Variants in LPAR3 observed in about 807,000 individuals in gnomAD.
The protein encoded by LPAR3 is lysophosphatidic acid receptor 3.
Under a neutral mutation model 17.8 loss-of-function variants are expected in LPAR3, and 7 were observed. The ratio of observed to expected loss-of-function variants is 0.39; its 90% CI spans 0.22 to 0.74. The LOEUF is 0.74. LPAR3 is among the 30% of genes least tolerant of loss of function. LPAR3 has a pLI of 0.40. For missense variants in LPAR3, 391 were observed against 453.4 expected (o/e 0.86, Z 1.25); for synonymous variants, 179 against 179.9 (o/e 0.99, Z 0.04).
At chr1:84,872,214 T>C (rs1660168587) in intron 1 of LPAR3, among the ~76,000 whole-genome samples, 1 of 152,254 alleles carries the variant, frequency 6.6e-6, no homozygotes, top group African/African-American at 2.4e-5. Flanking sequence ...GCTTGTGCAC[T>C]CATGTCTACA....
chr1:84,813,126 A>AATATATATATATATAT lies in LPAR3; in HGVS notation c.*704_*719dup, dbSNP rs769953448. On this transcript the variant is annotated 3_prime_UTR_variant, in exon 3 of 3. Coordinates refer to ENST00000370611, the MANE Select transcript of LPAR3 (RefSeq NM_012152.3). ...ATCAATAAAAATCAGTAAAAACAGGAATATATATATATATATATATATATA... is the reference window on the plus strand; with the variant it reads ...ATCAATAAAAATCAGTAAAAACAGGAATATATATATATATATATATATATATATATATATATATATA... 63 of 71,584 alleles carry AATATATATATATATAT rather than the reference A, an allele frequency of 8.8e-4. No individual in the cohort carries two copies. Among genetic ancestry groups the AATATATATATATATAT allele is most frequent in the Non-Finnish European group, 1.0e-3 (43 of 41,290 alleles). 4.4% of individuals were successfully genotyped at this position (71,584 alleles called of 1,614,324 possible). A position where few individuals can be genotyped will look rare whatever the true frequency, so the allele number is the denominator to read the frequency against.
chr1:84,816,139 G>C (rs1347277300), intron 2 of LPAR3, among the ~76,000 whole-genome samples: 1 of 152,186 alleles, frequency 6.6e-6, no homozygotes. Context: ...CAATGTGACA[G>C]ATTCAGACTG....
At chr1:84,890,425 G>A (rs1185981317) in intron 1 of LPAR3, among the ~76,000 whole-genome samples, 1 of 152,202 alleles carries the variant, frequency 6.6e-6, no homozygotes, top group Non-Finnish European at 1.5e-5. Context: ...AGTACTTCCT[G>A]TATATGAGAG....
chr1:84,816,567 G>C (rs1047824948), intron 2 of LPAR3, among the ~76,000 whole-genome samples: 10 of 152,166 alleles, frequency 6.6e-5, no homozygotes, highest in Non-Finnish European at 1.3e-4. Flanking sequence ...GGGAGGCTGA[G>C]GTGGGTGGAT....
intron 1 of LPAR3, among the ~76,000 whole-genome samples, chr1:84,887,790 A>T (rs2102775419): frequency 6.6e-6 from 1 of 152,312 alleles, no homozygotes; most frequent in Middle Eastern, 3.4e-3. Flanking sequence ...GTTGGGAGTC[A>T]TCCTACAGCA....
At chr1:84,877,435 A>T (rs1293156435) in intron 1 of LPAR3, among the ~76,000 whole-genome samples, 1 of 152,236 alleles carries the variant, frequency 6.6e-6, no homozygotes, top group Non-Finnish European at 1.5e-5. Flanking sequence ...GACATAAGTC[A>T]GACACAGTCC....
At chr1:84,863,168 G>A (rs1557602779) in intron 2 of LPAR3, among the ~76,000 whole-genome samples, 1 of 151,666 alleles carries the variant, frequency 6.6e-6, no homozygotes, top group Admixed American at 6.6e-5. Flanking sequence ...TCAACCTCCC[G>A]GGTTCAAGCG....
At chr1:84,860,980 C>T (rs1032843746) in intron 2 of LPAR3, among the ~76,000 whole-genome samples, 1 of 152,014 alleles carries the variant, frequency 6.6e-6, no homozygotes, top group African/African-American at 2.4e-5. Flanking sequence ...CTCAAGTGAT[C>T]CGCCCGCCTC....
chr1:84,838,574 C>T (rs574067914), intron 2 of LPAR3, among the ~76,000 whole-genome samples: 1 of 152,292 alleles, frequency 6.6e-6, no homozygotes, highest in South Asian at 2.1e-4. Flanking sequence ...CTATTCTATC[C>T]CTCTGATGGT....
At chr1:84,847,138 T>C (rs2102757086) in intron 2 of LPAR3, among the ~76,000 whole-genome samples, 1 of 152,362 alleles carries the variant, frequency 6.6e-6, no homozygotes, top group Non-Finnish European at 1.5e-5. Context: ...GATTCATCCT[T>C]TTGCTACTCC....
chr1:84,832,358 C>T (rs1024707833), intron 2 of LPAR3, among the ~76,000 whole-genome samples: 52 of 152,164 alleles, frequency 3.4e-4, no homozygotes, highest in African/African-American at 1.2e-3. Context: ...AAAGACAATA[C>T]CTTTCCTCCA....
rs547288741 is a variant in LPAR3, at chr1:84,831,993, C to T, written c.737-17822G>A. Among the ~76,000 whole-genome samples, 3 of 152,080 alleles carry T rather than the reference C, an allele frequency of 2.0e-5. No homozygotes were observed. In the South Asian group the frequency reaches 6.2e-4, roughly 32 times the overall value. ...AAAATAGAATATTGGTAAAAACTCC[C>T]ATTAGAGAAATGTTGAACATTCCAG... On this transcript the variant is annotated intron_variant, in intron 2 of 2. Transcript: ENST00000370611.
At chr1:84,832,403 C>T (rs1333407894) in intron 2 of LPAR3, among the ~76,000 whole-genome samples, 3 of 152,058 alleles carry the variant, frequency 2.0e-5, no homozygotes, top group African/African-American at 7.3e-5. Flanking sequence ...AATGGGCACA[C>T]ACATAGAAAT....
At chr1:84,874,204 AAT>A (rs1660213179) in intron 1 of LPAR3, among the ~76,000 whole-genome samples, 1 of 152,154 alleles carries the variant, frequency 6.6e-6, no homozygotes, top group African/African-American at 2.4e-5. Context: ...TGCTTGGGAA[AAT>A]ACTTAATACA....
intron 2 of LPAR3, among the ~76,000 whole-genome samples, chr1:84,848,327 C>G (rs1000265888): frequency 3.3e-5 from 5 of 152,250 alleles, no homozygotes; most frequent in African/African-American, 1.2e-4. Context: ...GGCCCTGAGG[C>G]TGGCCACTTT....
At chr1:84,829,698 G>A (rs921190442) in intron 2 of LPAR3, among the ~76,000 whole-genome samples, 2 of 151,980 alleles carry the variant, frequency 1.3e-5, no homozygotes, top group African/African-American at 4.8e-5. Flanking sequence ...ACGAAAATAT[G>A]CATCCAGAAA....
At chr1:84,827,001 T>C (rs1557590961) in intron 2 of LPAR3, among the ~76,000 whole-genome samples, 2 of 152,238 alleles carry the variant, frequency 1.3e-5, no homozygotes, top group African/African-American at 4.8e-5. Flanking sequence ...CATGACTGAC[T>C]TTCCCAATTA....
chr1:84,892,342 T>G (rs916896810), intron 1 of LPAR3, among the ~76,000 whole-genome samples: 3 of 152,212 alleles, frequency 2.0e-5, no homozygotes, highest in Non-Finnish European at 4.4e-5. Context: ...TCACAGTCAC[T>G]CCTCAAATTA....
rs79121768 is a variant in LPAR3, at chr1:84,820,909, T to C, written c.737-6738A>G. Among the ~76,000 whole-genome samples the C allele has an allele frequency of 6.1e-3, 931 of 152,258 alleles. 9 individuals are homozygous for C. Among genetic ancestry groups the C allele is most frequent in the African/African-American group, 0.022 (897 of 41,546 alleles). On this transcript the variant is annotated intron_variant, in intron 2 of 2. Coordinates refer to ENST00000370611, the MANE Select transcript of LPAR3 (RefSeq NM_012152.3). ...AATTCAGTGGGTTGTGAAATCAATT[T>C]AGTGAGTTGCAACCAGCGATTTTTT...
Sources: allele counts gnomAD v4.1 joint callset (sites outside exome capture counted in the v4.1 genomes callset), GRCh38; gene constraint gnomAD v4.1.1; transcripts MANE v1.5; gene names NCBI Gene and HGNC (gene_info 2026-07-23, HGNC 2026-07-21).